Variants in LARGE1 observed in about 807,000 individuals in gnomAD.
LARGE1 encodes the protein LARGE xylosyl- and glucuronyltransferase 1.
In LARGE1, 43 loss-of-function variants were observed where a neutral mutation model predicts 87.6. That is an observed-to-expected ratio of 0.49 (90% CI 0.38 to 0.63). The LOEUF (loss-of-function observed/expected upper bound fraction) is 0.63. Among genes scored for constraint, LARGE1 ranks in the 30% least tolerant of loss-of-function variants. The probability of loss-of-function intolerance (pLI) is 0.00; values close to 1 mark genes in which losing one functional copy is unlikely to be tolerated. For synonymous variants in LARGE1, 434 were observed against 394.6 expected, an observed-to-expected ratio of 1.10 and a Z score of -1.18; for missense variants, 802 against 1,000.2, an observed-to-expected ratio of 0.80 and a Z score of 2.67.
rs778807554 is a variant in LARGE1 at position 33,740,294 on chromosome 22, G to A, written c.106+21077C>T. On this transcript the variant is annotated intron_variant, in intron 2 of 14. Transcript: ENST00000397394. Reference sequence around the variant, plus strand: ...CCCTTTTTCTGGATTCCTGAACACCGGCATACATACTTCTATTATAGCAAG... The same window carrying A: ...CCCTTTTTCTGGATTCCTGAACACCAGCATACATACTTCTATTATAGCAAG... Among the ~76,000 whole-genome samples the A allele has an allele frequency of 6.2e-4, 94 of 152,186 alleles. 1 individual carries two copies. Among genetic ancestry groups the A allele is most frequent in the Admixed American group, 2.7e-3 (42 of 15,282 alleles).
At chr22:33,617,987 G>A (rs2079629880) in intron 4 of LARGE1, among the ~76,000 whole-genome samples, 1 of 152,148 alleles carries the variant, frequency 6.6e-6, no homozygotes, top group Non-Finnish European at 1.5e-5. Flanking sequence ...TCTAGGGCCT[G>A]TTTTCATTAA....
intron 5 of LARGE1, among the ~76,000 whole-genome samples, chr22:33,595,002 C>T (rs756017190): frequency 1.3e-5 from 2 of 152,098 alleles, no homozygotes; most frequent in African/African-American, 2.4e-5. Context: ...TTCTGGCATC[C>T]GCTCCATCCA....
chr22:33,841,018 C>G (rs5994803), intron 1 of LARGE1, among the ~76,000 whole-genome samples: 6 of 152,236 alleles, frequency 3.9e-5, no homozygotes, highest in African/African-American at 1.4e-4. Flanking sequence ...ATTTTCAGTA[C>G]AGTATTTAAT....
intron 3 of LARGE1, among the ~76,000 whole-genome samples, chr22:33,647,347 C>G (rs1309817134): frequency 6.6e-6 from 1 of 152,158 alleles, no homozygotes; most frequent in Non-Finnish European, 1.5e-5. Flanking sequence ...ATCCCTGTAA[C>G]TAAGTTGTGT....
chr22:33,768,908 T>C lies in LARGE1; in HGVS notation c.-82-7350A>G, dbSNP rs2084985154. ...AATCAGAACTGGCATTTTAACAAGA[T>C]CTCAGGTGATTCATATATACACGAA... is the stretch of plus-strand genomic sequence containing the variant. On this transcript the variant is annotated intron_variant, in intron 1 of 14. Transcript: ENST00000397394. Among the ~76,000 whole-genome samples, 4 of 152,150 alleles carry C rather than the reference T, an allele frequency of 2.6e-5. No homozygotes were observed. In the South Asian group the frequency reaches 8.3e-4, roughly 32 times the overall value.
chr22:33,713,715 GGGTGTCCAA>G (rs1474018149), intron 2 of LARGE1, among the ~76,000 whole-genome samples: 1 of 152,004 alleles, frequency 6.6e-6, no homozygotes, highest in Non-Finnish European at 1.5e-5. Flanking sequence ...ACAGCACCTT[GGGTGTCCAA>G]GGTGAGAGGA....
intron 2 of LARGE1, among the ~76,000 whole-genome samples, chr22:33,745,237 C>T (rs1043501245): frequency 2.8e-4 from 42 of 152,106 alleles, no homozygotes; most frequent in Admixed American, 2.4e-3. Flanking sequence ...GGAAAACAGC[C>T]TCCTTTCTAT....
chr22:33,413,103 T>C (rs921457850), intron 7 of LARGE1, among the ~76,000 whole-genome samples: 6 of 152,158 alleles, frequency 3.9e-5, no homozygotes, highest in Non-Finnish European at 8.8e-5. Context: ...ATAACAAATG[T>C]GAATATGAGT....
At chr22:33,588,791 T>TCCAGCGCAGAC (rs2078753286) in intron 5 of LARGE1, among the ~76,000 whole-genome samples, 1 of 152,132 alleles carries the variant, frequency 6.6e-6, no homozygotes, top group Non-Finnish European at 1.5e-5. Context: ...ACTCTTAGTA[T>TCCAGCGCAGAC]AAAGGTGATT....
At chr22:33,434,890 T>C (rs953802965) in intron 6 of LARGE1, among the ~76,000 whole-genome samples, 5 of 152,186 alleles carry the variant, frequency 3.3e-5, no homozygotes, top group South Asian at 2.1e-4. Flanking sequence ...ATCTCCAGCA[T>C]GAAGCCTTTT....
Position 33,499,115 on chromosome 22 carries a change from G to A in LARGE1, c.787+65733C>T, listed in dbSNP as rs576828199. On this transcript the variant is annotated intron_variant, in intron 6 of 14. Transcript: ENST00000397394. ...CATCTGGAGCAGCCTCTTTGACACT[G>A]CAGTTTACCCACTACCTTCCACACC... Among the ~76,000 whole-genome samples, 23 of 152,302 alleles carry A rather than the reference G, an allele frequency of 1.5e-4. No individual in the cohort carries two copies. In the East Asian group the frequency reaches 4.4e-3, roughly 29 times the overall value.
At chr22:33,475,267 A>G (rs766390625) in intron 6 of LARGE1, among the ~76,000 whole-genome samples, 5 of 152,118 alleles carry the variant, frequency 3.3e-5, no homozygotes, top group Non-Finnish European at 7.4e-5. Context: ...GGCAAGTTGC[A>G]TATCTCTTAA....
intron 11 of LARGE1, among the ~76,000 whole-genome samples, chr22:33,168,186 C>A (rs1168078435): frequency 6.6e-6 from 1 of 152,200 alleles, no homozygotes; most frequent in Admixed American, 6.5e-5. Context: ...ACCCCTGGTA[C>A]AACCAGCTGC....
chr22:33,567,070 G>A (rs1285670747), intron 5 of LARGE1, among the ~76,000 whole-genome samples: 1 of 152,190 alleles, frequency 6.6e-6, no homozygotes, highest in African/African-American at 2.4e-5. Flanking sequence ...ATCTCTCTAA[G>A]CCTTGGTTTC....
intron 5 of LARGE1, among the ~76,000 whole-genome samples, chr22:33,595,858 C>A (rs948376609): frequency 3.9e-5 from 6 of 152,128 alleles, no homozygotes; most frequent in African/African-American, 7.2e-5. Context: ...AGGGAACAGA[C>A]AAATGGTACA....
intron 6 of LARGE1, among the ~76,000 whole-genome samples, chr22:33,474,692 T>C (rs2068997174): frequency 6.6e-6 from 1 of 151,956 alleles, no homozygotes. Flanking sequence ...TTTGACATAA[T>C]AAGGAATAAC....
chr22:33,451,132 T>A (rs1244861263), intron 6 of LARGE1, among the ~76,000 whole-genome samples: 1 of 151,986 alleles, frequency 6.6e-6, no homozygotes, highest in Non-Finnish European at 1.5e-5. Flanking sequence ...TGGCATGGCG[T>A]TAAATCACCA....
chr22:33,278,565 A>T (rs866535027), intron 13 of LARGE1, among the ~76,000 whole-genome samples: 16,465 of 151,662 alleles, frequency 0.11, 1,280 homozygotes, highest in African/African-American at 0.22. Context: ...ACACACACAC[A>T]CACACACACA....
At chr22:33,800,921 G>A (rs78395390) in intron 1 of LARGE1, among the ~76,000 whole-genome samples, 5,914 of 152,230 alleles carry the variant, frequency 0.039, 162 homozygotes, top group Non-Finnish European at 0.056. Flanking sequence ...GGATCATACG[G>A]TGATATGGTT....
Sources: gnomAD v4.1 joint callset for allele counts (sites outside exome capture counted in the v4.1 genomes callset) on GRCh38, gnomAD v4.1.1 for gene constraint, MANE v1.5 for transcripts, NCBI Gene and HGNC (gene_info 2026-07-23, HGNC 2026-07-21) for gene names.